DYNC1I1: variants seen among roughly 807,000 people sequenced by gnomAD.
DYNC1I1 encodes cytoplasmic dynein 1 intermediate chain 1.
Under a neutral mutation model 86.6 loss-of-function variants are expected in DYNC1I1, and 43 were observed. That is an observed-to-expected ratio of 0.50 (90% CI 0.39 to 0.64). The LOEUF (loss-of-function observed/expected upper bound fraction) is 0.64, where lower values mean the gene tolerates loss of function less well. Ranked by LOEUF, DYNC1I1 falls within the 30% of genes least tolerant of loss-of-function variation. The probability of loss-of-function intolerance (pLI) is 0.00; values close to 1 mark genes in which losing one functional copy is unlikely to be tolerated. For synonymous variants in DYNC1I1, 262 were observed against 283.7 expected (o/e 0.92, Z 0.77); for missense variants, 604 against 788.8 (o/e 0.77, Z 2.81).
intron 1 of DYNC1I1, among the ~76,000 whole-genome samples, chr7:95,792,380 G>A (rs908728867): frequency 6.6e-6 from 1 of 152,112 alleles, no homozygotes; most frequent in Non-Finnish European, 1.5e-5. Context: ...CTCTCTGACC[G>A]TCCCCTCCCC....
intron 6 of DYNC1I1, among the ~76,000 whole-genome samples, chr7:95,931,494 G>A (rs1338492510): frequency 1.9e-5 from 2 of 104,328 alleles, no homozygotes; most frequent in Admixed American, 2.2e-4. Flanking sequence ...TACTGATAAA[G>A]AGAAAATTCC....
intron 1 of DYNC1I1, among the ~76,000 whole-genome samples, chr7:95,785,745 A>C (rs1043533420): frequency 2.1e-5 from 3 of 142,784 alleles, no homozygotes; most frequent in African/African-American, 7.6e-5. Flanking sequence ...GTATATATAT[A>C]TGTGTGTATG....
At chr7:95,979,322 A>G (rs1349269757) in intron 7 of DYNC1I1, among the ~76,000 whole-genome samples, 2 of 152,238 alleles carry the variant, frequency 1.3e-5, no homozygotes, top group East Asian at 3.9e-4. Flanking sequence ...AGTTAGTTTA[A>G]CCTTTTTTTG....
intron 16 of DYNC1I1, among the ~76,000 whole-genome samples, chr7:96,106,709 A>G (rs1165671859): frequency 6.6e-6 from 1 of 152,180 alleles, no homozygotes; most frequent in Non-Finnish European, 1.5e-5. Flanking sequence ...ACTTCCAAGT[A>G]TTTGGAAAGT....
At chr7:96,074,473 C>T (rs1440479056) in intron 14 of DYNC1I1, among the ~76,000 whole-genome samples, 4 of 150,558 alleles carry the variant, frequency 2.7e-5, no homozygotes, top group South Asian at 2.1e-4. Flanking sequence ...ATGGCGTGAA[C>T]CCGGGAGGCG....
At chr7:95,899,567 C>T (rs1434833892) in intron 6 of DYNC1I1, among the ~76,000 whole-genome samples, 1 of 152,166 alleles carries the variant, frequency 6.6e-6, no homozygotes, top group Non-Finnish European at 1.5e-5. Context: ...TATATATTAG[C>T]TTGAGTCAAT....
In DYNC1I1 at chr7:95,850,644, A is replaced by T. The variant is rs117682887; in HGVS notation, c.375-19239A>T. ...AATGCCTTTTCCATCTTAACTAAGC[A>T]TGTGTCATGCATTGTGGCCATAACT... On this transcript the variant is annotated intron_variant, in intron 5 of 16. Transcript: ENST00000447467. Among the ~76,000 whole-genome samples, 964 of 152,254 alleles carry T rather than the reference A, an allele frequency of 6.3e-3. 19 individuals carry two copies. Among genetic ancestry groups the T allele is most frequent in the East Asian group, 0.029 (150 of 5,174 alleles).
At chr7:96,014,554 A>G (rs1189835052) in intron 10 of DYNC1I1, among the ~76,000 whole-genome samples, 1 of 152,182 alleles carries the variant, frequency 6.6e-6, no homozygotes. Context: ...GTCATTTTCA[A>G]GTGTGGGGCT....
At chr7:95,888,642 AT>A (rs1243505769) in intron 6 of DYNC1I1, among the ~76,000 whole-genome samples, 2 of 152,120 alleles carry the variant, frequency 1.3e-5, no homozygotes, top group African/African-American at 4.8e-5. Context: ...AGACAAAAAA[AT>A]TGCCAAAGGC....
intron 5 of DYNC1I1, among the ~76,000 whole-genome samples, chr7:95,839,041 T>C (rs1224168933): frequency 6.6e-6 from 1 of 152,142 alleles, no homozygotes; most frequent in Non-Finnish European, 1.5e-5. Context: ...TTTTTCTTTT[T>C]ATTTTTTGAG....
At position 96,098,077 on chromosome 7, in the gene DYNC1I1, C is replaced by A; in HGVS notation, c.*484C>A. On this transcript the variant is annotated 3_prime_UTR_variant, in exon 17 of 17. Coordinates refer to ENST00000447467, the MANE Select transcript of DYNC1I1 (RefSeq NM_001135556.2). ...GATTTACTAGAAGAACATTGCTGCT[C>A]CTTATTTATTGTAGTGTGCTGCATG... 2.0e-6 allele frequency: 2 copies of A among 988,482 alleles called. No individual in the cohort carries two copies. Among genetic ancestry groups the A allele is most frequent in the Non-Finnish European group, 2.4e-6 (2 of 831,484 alleles). 61.2% of individuals were successfully genotyped at this position (988,482 alleles called of 1,614,324 possible). A position where few individuals can be genotyped will look rare whatever the true frequency, so the allele number is the denominator to read the frequency against.
intron 1 of DYNC1I1, among the ~76,000 whole-genome samples, chr7:95,803,003 G>A (rs1482468474): frequency 1.3e-5 from 2 of 152,096 alleles, no homozygotes; most frequent in African/African-American, 2.4e-5. Context: ...CCAAACCTTG[G>A]TTAGCATTTT....
intron 6 of DYNC1I1, among the ~76,000 whole-genome samples, chr7:95,976,580 G>A (rs184254753): frequency 6.6e-6 from 1 of 152,280 alleles, no homozygotes; most frequent in Non-Finnish European, 1.5e-5. Context: ...CGAACATATG[G>A]GGTGGAGGAA....
At chr7:95,993,974 A>C (rs547180745) in intron 9 of DYNC1I1, among the ~76,000 whole-genome samples, 1 of 152,202 alleles carries the variant, frequency 6.6e-6, no homozygotes, top group Non-Finnish European at 1.5e-5. Context: ...GTCCTAACTC[A>C]TAAGTACTTC....
At chr7:95,992,170 A>G (rs1793746513) in intron 9 of DYNC1I1, among the ~76,000 whole-genome samples, 1 of 152,048 alleles carries the variant, frequency 6.6e-6, no homozygotes, top group Non-Finnish European at 1.5e-5. Flanking sequence ...CCATGCTTCT[A>G]CAGAACCTTG....
At chr7:95,969,835 C>T (rs2115574780) in intron 6 of DYNC1I1, among the ~76,000 whole-genome samples, 1 of 152,214 alleles carries the variant, frequency 6.6e-6, no homozygotes, top group Non-Finnish European at 1.5e-5. Context: ...AACAGGAGTG[C>T]TCTGTACGAT....
At chr7:95,783,844 G>T (rs1321221644) in intron 1 of DYNC1I1, among the ~76,000 whole-genome samples, 2 of 152,168 alleles carry the variant, frequency 1.3e-5, no homozygotes, top group African/African-American at 4.8e-5. Flanking sequence ...AGTTAACTTT[G>T]CTTGCCTGTA....
chr7:96,039,196 T>G, intron 13 of DYNC1I1, 81 bp from the exon 14 acceptor site: 2 of 1,484,576 alleles, frequency 1.3e-6, no homozygotes, highest in East Asian at 2.4e-5. Flanking sequence ...GAGTTGAGGG[T>G]TTTTTGTTTT....
chr7:95,897,990 G>C (rs888025709), intron 6 of DYNC1I1, among the ~76,000 whole-genome samples: 1 of 152,072 alleles, frequency 6.6e-6, no homozygotes, highest in Non-Finnish European at 1.5e-5. Context: ...CCTGAAGCCT[G>C]ATCAGAATTA....
Sources: gnomAD v4.1 joint callset for allele counts (sites outside exome capture counted in the v4.1 genomes callset) on GRCh38, gnomAD v4.1.1 for gene constraint, MANE v1.5 for transcripts, NCBI Gene and HGNC (gene_info 2026-07-23, HGNC 2026-07-21) for gene names.